Variants in PRKAR2B observed in about 807,000 individuals in gnomAD.
The protein encoded by PRKAR2B is cAMP-dependent protein kinase type II-beta regulatory subunit.
PRKAR2B carries 14 observed loss-of-function variants against 49.9 expected under a neutral mutation model. That is an observed-to-expected ratio of 0.28 (90% confidence interval 0.19 to 0.44). PRKAR2B has a LOEUF of 0.44. Ranked by LOEUF, PRKAR2B falls within the 20% of genes least tolerant of loss-of-function variation. PRKAR2B has a pLI of 1.00. For missense variants in PRKAR2B, 393 were observed against 537.9 expected, an observed-to-expected ratio of 0.73 and a Z score of 2.67; for synonymous variants, 196 against 197.7, an observed-to-expected ratio of 0.99 and a Z score of 0.07.
intron 2 of PRKAR2B, among the ~76,000 whole-genome samples, chr7:107,097,586 G>T (rs1794869075): frequency 6.6e-6 from 1 of 152,170 alleles, no homozygotes; most frequent in Non-Finnish European, 1.5e-5. Flanking sequence ...ATTAGTTGAT[G>T]TTAGTTCCTT....
intron 2 of PRKAR2B, among the ~76,000 whole-genome samples, chr7:107,105,231 A>C (rs1471006653): frequency 6.6e-6 from 1 of 152,152 alleles, no homozygotes; most frequent in Non-Finnish European, 1.5e-5. Context: ...TATGCAGTGG[A>C]AGAGAGGTCT....
At chr7:107,104,280 C>CT (rs1189153093) in intron 2 of PRKAR2B, among the ~76,000 whole-genome samples, 2 of 152,200 alleles carry the variant, frequency 1.3e-5, no homozygotes, top group Non-Finnish European at 2.9e-5. Flanking sequence ...GGCAGTTCAC[C>CT]TGCCTCTGCC....
intron 5 of PRKAR2B, among the ~76,000 whole-genome samples, chr7:107,142,867 A>G (rs749753204): frequency 4.6e-5 from 7 of 151,778 alleles, no homozygotes; most frequent in Non-Finnish European, 8.8e-5. Context: ...GTTTCAAGCG[A>G]TTCTCCTGCC....
intron 2 of PRKAR2B, among the ~76,000 whole-genome samples, chr7:107,113,773 A>G (rs2116826654): frequency 6.6e-6 from 1 of 152,220 alleles, no homozygotes; most frequent in South Asian, 2.1e-4. Flanking sequence ...GATTACATGC[A>G]CCTGTCTTTT....
intron 2 of PRKAR2B, among the ~76,000 whole-genome samples, chr7:107,118,888 T>TG (rs1795338456): frequency 6.6e-6 from 1 of 152,064 alleles, no homozygotes; most frequent in Non-Finnish European, 1.5e-5. Flanking sequence ...CTGCAGAAGG[T>TG]GGGGGTAGAT....
chr7:107,100,674 A>G (rs1478966691), intron 2 of PRKAR2B, among the ~76,000 whole-genome samples: 1 of 151,914 alleles, frequency 6.6e-6, no homozygotes, highest in Non-Finnish European at 1.5e-5. Flanking sequence ...GTCTATTTTT[A>G]TTCATTCTTT....
chr7:107,067,612 C>T (rs1051426505), intron 1 of PRKAR2B, among the ~76,000 whole-genome samples: 8 of 152,132 alleles, frequency 5.3e-5, no homozygotes, highest in African/African-American at 1.9e-4. Flanking sequence ...GTATGTGTTT[C>T]AGCATGTACT....
chr7:107,089,185 A>C (rs995501864), intron 2 of PRKAR2B, among the ~76,000 whole-genome samples: 2 of 152,166 alleles, frequency 1.3e-5, no homozygotes, highest in Non-Finnish European at 2.9e-5. Flanking sequence ...AACAAACAAA[A>C]AAATAGTCAC....
chr7:107,117,570 A>T (rs896089474), intron 2 of PRKAR2B, among the ~76,000 whole-genome samples: 1 of 152,162 alleles, frequency 6.6e-6, no homozygotes, highest in Non-Finnish European at 1.5e-5. Flanking sequence ...CGTGGAGTTC[A>T]GTCTGCTTCC....
At chr7:107,102,663 G>T (rs1794994658) in intron 2 of PRKAR2B, among the ~76,000 whole-genome samples, 1 of 152,096 alleles carries the variant, frequency 6.6e-6, no homozygotes, top group African/African-American at 2.4e-5. Context: ...TATAAAGGAA[G>T]AAAAGATTTT....
chr7:107,117,205 C>T (rs943775057), intron 2 of PRKAR2B, among the ~76,000 whole-genome samples: 3 of 151,990 alleles, frequency 2.0e-5, no homozygotes, highest in Non-Finnish European at 4.4e-5. Flanking sequence ...TGATGCATGC[C>T]TTCAACTAAT....
At chr7:107,046,636 C>G (rs1793700715) in intron 1 of PRKAR2B, among the ~76,000 whole-genome samples, 1 of 151,978 alleles carries the variant, frequency 6.6e-6, no homozygotes, top group African/African-American at 2.4e-5. Flanking sequence ...CTTTTCCTAC[C>G]AGAAACGAGA....
At chr7:107,077,805 C>G (rs139480719) in intron 2 of PRKAR2B, 1 of 152,294 alleles carries the variant, frequency 6.6e-6, no homozygotes, top group East Asian at 1.9e-4. Context: ...TGTGTGTATC[C>G]TTAGTTACCT....
Position 107,045,196 on chromosome 7 carries a change from G to T in PRKAR2B, c.289G>T (p.Asp97Tyr). 6.8e-7 allele frequency: 1 copy of T among 1,460,068 alleles called. No individual in the cohort carries two copies. Among genetic ancestry groups the T allele is most frequent in the Non-Finnish European group, 9.0e-7 (1 of 1,107,426 alleles). The allele number at this position is 1,460,068 out of a possible 1,614,324, so 90.4% of individuals were successfully genotyped here. A position where few individuals can be genotyped will look rare whatever the true frequency, so the allele number is the denominator to read the frequency against. The change falls in exon 1 of 11, where the codon GAC (aspartate) becomes TAC (tyrosine). Residue 97 changes from aspartate (D) to tyrosine (Y), a missense_variant. Transcript: ENST00000265717. The stretch of plus-strand genomic sequence containing the variant: ...GGAGGAGGAGGAGGCGGCGCCCGCG[G>T]ACGCAGGGGCGTTCAATGGTGAGGA... ...DGEEEEAAPA[D>Y]AGAFNAPVIN...
chr7:107,138,420 T>G (rs560860571), intron 4 of PRKAR2B, among the ~76,000 whole-genome samples: 3 of 152,362 alleles, frequency 2.0e-5, no homozygotes, highest in African/African-American at 7.2e-5. Context: ...TTCTATTTTA[T>G]TTTTTATTTT....
At chr7:107,086,516 C>T (rs1022827323) in intron 2 of PRKAR2B, among the ~76,000 whole-genome samples, 14 of 151,786 alleles carry the variant, frequency 9.2e-5, no homozygotes, top group African/African-American at 2.4e-4. Context: ...TCTCTGTTGC[C>T]GAGGCTGGAG....
At chr7:107,140,807 GATAAAC>G in intron 4 of PRKAR2B, 34 bp from the exon 5 acceptor site, 1 of 1,442,878 alleles carries the variant, frequency 6.9e-7, no homozygotes. Flanking sequence ...ACATGTTCTA[GATAAAC>G]ATAAAGATTA....
chr7:107,106,690 C>T (rs572003182), intron 2 of PRKAR2B, among the ~76,000 whole-genome samples: 10 of 152,174 alleles, frequency 6.6e-5, no homozygotes, highest in East Asian at 1.9e-4. Flanking sequence ...CTTGGGCAGT[C>T]GGGGGTATAG....
chr7:107,053,202 A>G (rs1793844250), intron 1 of PRKAR2B, among the ~76,000 whole-genome samples: 1 of 152,178 alleles, frequency 6.6e-6, no homozygotes. Context: ...ATTTTATTAT[A>G]TACCTTTATT....
Sources: allele counts gnomAD v4.1 joint callset (sites outside exome capture counted in the v4.1 genomes callset), GRCh38; gene constraint gnomAD v4.1.1; transcripts MANE v1.5; gene names NCBI Gene and HGNC (gene_info 2026-07-23, HGNC 2026-07-21).